The following LGI1 variants were observed in gnomAD, a reference collection of about 807,000 sequenced individuals.
LGI1 encodes the protein leucine rich glioma inactivated 1, also known as leucine-rich glioma-inactivated protein 1.
LGI1 carries 11 observed loss-of-function variants against 57.7 expected under a neutral mutation model. The observed-to-expected ratio is 0.19, with a 90% CI of 0.12 to 0.32. LGI1 has a LOEUF of 0.32. LGI1 is among the 10% of genes least tolerant of loss of function. The pLI, the probability that LGI1 is intolerant of heterozygous loss-of-function variation, is 1.00. For missense variants in LGI1, 422 were observed against 661.9 expected (o/e 0.64, Z 3.98); for synonymous variants, 222 against 241.9 (o/e 0.92, Z 0.76).
At chr10:93,765,962 T>G (rs1469255980) in intron 2 of LGI1, among the ~76,000 whole-genome samples, 1 of 101,312 alleles carries the variant, frequency 9.9e-6, no homozygotes, top group African/African-American at 4.0e-5. Flanking sequence ...AGAGTAAGCC[T>G]CCGTCTCAAA....
intron 4 of LGI1, among the ~76,000 whole-genome samples, chr10:93,783,778 A>G (rs1398822257): frequency 6.6e-5 from 10 of 152,152 alleles, no homozygotes; most frequent in African/African-American, 1.9e-4. Context: ...TTGGGAGGCC[A>G]AGGCGGGCGG....
chr10:93,762,215 T>C (rs1301944769), intron 2 of LGI1, among the ~76,000 whole-genome samples: 1 of 151,876 alleles, frequency 6.6e-6, no homozygotes, highest in Non-Finnish European at 1.5e-5. Context: ...CCAGAAAAAA[T>C]TTCTTAGTAT....
At position 93,797,125 on chromosome 10, in the gene LGI1, C is replaced by T. The variant is rs772117580; in HGVS notation, c.996C>T (p.Pro332=). 8 of 1,614,092 alleles carry T rather than the reference C, an allele frequency of 5.0e-6. No individual in the cohort carries two copies. Among genetic ancestry groups the T allele is most frequent in the Non-Finnish European group, 6.8e-6 (8 of 1,179,988 alleles). Residue 332 remains proline (P), a synonymous_variant, in exon 8 of 8, where the codon CCC becomes CCT. Coordinates refer to ENST00000371418, the MANE Select transcript of LGI1 (RefSeq NM_005097.4). The surrounding 1 kb of genome is among the most constrained non-coding windows in gnomAD (Gnocchi z 6.5). ...TTGAAATTCTCAAAATCCGAAAACC[C>T]AATGACATTGAAACATTCAAGATTG... ...QDIEILKIRK[P]NDIETFKIEN... is the part of the protein sequence containing the mutation.
At chr10:93,779,034 T>C (rs2059822003) in intron 4 of LGI1, 1 of 152,226 alleles carries the variant, frequency 6.6e-6, no homozygotes, top group Non-Finnish European at 1.5e-5. Context: ...ACTCTTCATG[T>C]CAATGACATG....
intron 4 of LGI1, among the ~76,000 whole-genome samples, chr10:93,785,201 C>T (rs1381700277): frequency 6.6e-6 from 1 of 152,142 alleles, no homozygotes; most frequent in Admixed American, 6.5e-5. Context: ...ATGATCTCAG[C>T]TTCCTGAAGC....
chr10:93,769,628 C>T (rs2059714528), intron 2 of LGI1: 1 of 152,190 alleles, frequency 6.6e-6, no homozygotes, highest in African/African-American at 2.4e-5. Flanking sequence ...ATCCTCAATC[C>T]TATTTTAACA....
At chr10:93,796,895 GCC>G in intron 7 of LGI1, 71 bp from the exon 8 acceptor site, 1 of 1,233,992 alleles carries the variant, frequency 8.1e-7, no homozygotes, top group African/African-American at 1.5e-5. Context: ...AAGTTGTATG[GCC>G]CCAGCCCGCA....
chr10:93,758,845 A>G lies in LGI1; in HGVS notation c.287+14A>G, dbSNP rs2059593368. On this transcript the variant is annotated intron_variant, in intron 2 of 7. Transcript: ENST00000371418. This position sits in a 1 kb window ranked among gnomAD's most constrained non-coding sequence, Gnocchi z 4.7. ...GCTGCAGCTCTTGTGAGAAATATTT[A>G]TATCATGACTATTTTTAATATGGCA... The G allele has an allele frequency of 6.4e-7, 1 of 1,571,838 alleles. No individual in the cohort carries two copies. The highest frequency in any genetic ancestry group is 8.8e-7 in the Non-Finnish European group (1 of 1,142,148).
Position 93,797,659 on chromosome 10 carries a change from A to C in LGI1, c.1530A>C (p.Lys510Asn). ...QVYNWDAEKA[K>N]FVKFQELNVQ... ...ATAACTGGGATGCAGAGAAAGCCAA[A>C]TTTGTGAAATTTCAGGAATTAAATG... is the stretch of plus-strand genomic sequence containing the variant. Residue 510 changes from lysine (K) to asparagine (N), a missense_variant, in exon 8 of 8, where the codon AAA becomes AAC. Around this residue, in one of 3 missense-constraint regions of LGI1, gnomAD observed 301 missense variants for 461.7 expected, o/e 0.65. Transcript: ENST00000371418. This position sits in a 1 kb window ranked among gnomAD's most constrained non-coding sequence, Gnocchi z 6.5. The C allele has an allele frequency of 6.2e-7, 1 of 1,614,186 alleles. No homozygotes were observed. The highest frequency in any genetic ancestry group is 8.5e-7 in the Non-Finnish European group (1 of 1,180,018).
At chr10:93,771,069 G>A (rs900069385) in intron 2 of LGI1, 1 of 151,886 alleles carries the variant, frequency 6.6e-6, no homozygotes, top group African/African-American at 2.4e-5. Context: ...AAAATAAATC[G>A]AAGATTTGAT....
Position 93,758,460 on chromosome 10 carries a change from G to A in LGI1, c.215+101G>A. On this transcript the variant is annotated intron_variant, in intron 1 of 7. Coordinates refer to ENST00000371418, the MANE Select transcript of LGI1 (RefSeq NM_005097.4). The surrounding 1 kb of genome is among the most constrained non-coding windows in gnomAD (Gnocchi z 4.7). ...ATTTGTAGAAGGGCATGGAGAGAGAGATTCCTCTTGCATGCTTGGCCATTT... is the reference window on the plus strand; with the variant it reads ...ATTTGTAGAAGGGCATGGAGAGAGAAATTCCTCTTGCATGCTTGGCCATTT... 8.5e-7 allele frequency: 1 copy of A among 1,180,866 alleles called. No individual in the cohort carries two copies. Among genetic ancestry groups the A allele is most frequent in the Non-Finnish European group, 1.3e-6 (1 of 796,830 alleles). 73.1% of individuals were successfully genotyped at this position (1,180,866 alleles called of 1,614,324 possible).
chr10:93,781,902 G>A (rs1183849936), intron 4 of LGI1, among the ~76,000 whole-genome samples: 1 of 152,154 alleles, frequency 6.6e-6, no homozygotes, highest in Non-Finnish European at 1.5e-5. Context: ...TATATGTATT[G>A]TAGAGTATCC....
rs11813787 is a variant in LGI1 at position 93,777,137 on chromosome 10, A to G, written c.288-242A>G. 0.12 allele frequency: 72,369 copies of G among 592,904 alleles called. 7,457 individuals carry two copies. The highest frequency in any genetic ancestry group is 0.49 in the East Asian group (17,144 of 35,258). The allele number at this position is 592,904 out of a possible 1,614,324, so 36.7% of individuals were successfully genotyped here. A position where few individuals can be genotyped will look rare whatever the true frequency, so the allele number is the denominator to read the frequency against. ...CTGATTGTATCTCAAAATGTCACCC[A>G]GGGTATGTGGCAGTCATTGTGAGGA... On this transcript the variant is annotated intron_variant, in intron 2 of 7. Transcript: ENST00000371418.
At chr10:93,785,265 C>A (rs2059885901) in intron 4 of LGI1, among the ~76,000 whole-genome samples, 1 of 151,992 alleles carries the variant, frequency 6.6e-6, no homozygotes, top group Non-Finnish European at 1.5e-5. Flanking sequence ...ACAATAACAA[C>A]AAAGAAAAAG....
In LGI1 at chr10:93,792,734, G is replaced by A. The variant is rs2059947219; in HGVS notation, c.504-9G>A. On this transcript the variant is annotated splice_polypyrimidine_tract_variant and intron_variant, in intron 5 of 7. Transcript: ENST00000371418. ...TGTACAGCAAAAGCAGCTGAAGTTT[G>A]TCTTTCAGGGACCTGAGGGGTAATT... The A allele has an allele frequency of 1.2e-6, 2 of 1,613,876 alleles. No individual in the cohort carries two copies. The highest frequency in any genetic ancestry group is 1.7e-6 in the Non-Finnish European group (2 of 1,179,824).
At position 93,797,016 on chromosome 10, in the gene LGI1, A is replaced by G. The variant is rs1434032341; in HGVS notation, c.887A>G (p.Tyr296Cys). The change falls in exon 8 of 8, where the codon TAT (tyrosine) becomes TGT (cysteine). Residue 296 changes from tyrosine to cysteine, a missense_variant. Around this residue, in one of 3 missense-constraint regions of LGI1, gnomAD observed 301 missense variants for 461.7 expected, o/e 0.65. Coordinates refer to ENST00000371418, the MANE Select transcript of LGI1 (RefSeq NM_005097.4). This position sits in a 1 kb window ranked among gnomAD's most constrained non-coding sequence, Gnocchi z 6.5. ...CKPIVIETQL[Y>C]VIVAQLFGGS... ...CCTATAGTCATTGAAACTCAGCTCTATGTTATTGTGGCCCAGCTGTTTGGT... is the reference window on the plus strand; with the variant it reads ...CCTATAGTCATTGAAACTCAGCTCTGTGTTATTGTGGCCCAGCTGTTTGGT... 20 of 1,614,082 alleles carry G rather than the reference A, an allele frequency of 1.2e-5. No individual in the cohort carries two copies. Among genetic ancestry groups the G allele is most frequent in the Non-Finnish European group, 1.4e-5 (16 of 1,179,996 alleles).
intron 2 of LGI1, among the ~76,000 whole-genome samples, chr10:93,773,067 G>C (rs1324974754): frequency 6.7e-6 from 1 of 150,064 alleles, no homozygotes; most frequent in East Asian, 1.9e-4. Context: ...GTGACAGAGC[G>C]AGACTTTGTC....
chr10:93,777,166 G>A (rs527985852), intron 2 of LGI1: 12 of 617,736 alleles, frequency 1.9e-5, no homozygotes, highest in Non-Finnish European at 2.9e-5. Context: ...GTGAGGAATC[G>A]GGCACCAGGC....
intron 2 of LGI1, among the ~76,000 whole-genome samples, chr10:93,775,314 A>G (rs1032326765): frequency 6.6e-6 from 1 of 152,146 alleles, no homozygotes; most frequent in African/African-American, 2.4e-5. Context: ...GTACAGTCAT[A>G]TAGGATGTAC....
Sources: allele counts gnomAD v4.1 joint callset (sites outside exome capture counted in the v4.1 genomes callset), GRCh38; gene constraint gnomAD v4.1.1; regional missense constraint gnomAD v4.1.1; non-coding constraint Gnocchi (gnomAD v3.1); transcripts MANE v1.5; gene names NCBI Gene and HGNC (gene_info 2026-07-23, HGNC 2026-07-21).